The following WDPCP variants were observed in gnomAD, a reference collection of about 807,000 sequenced individuals.
WDPCP encodes the protein WD repeat-containing and planar cell polarity effector protein fritz homolog.
A neutral mutation model predicts 93.1 loss-of-function variants in WDPCP; 71 were observed. The ratio of observed to expected loss-of-function variants is 0.76; its 90% CI spans 0.63 to 0.93. The LOEUF (loss-of-function observed/expected upper bound fraction) is 0.93, where lower values mean the gene tolerates loss of function less well. Ranked by LOEUF, WDPCP falls within the 40% of genes least tolerant of loss-of-function variation. The pLI, the probability that WDPCP is intolerant of heterozygous loss-of-function variation, is 0.00. For synonymous variants in WDPCP, 315 were observed against 315.0 expected (o/e 1.00, Z 0.00); for missense variants, 844 against 887.4 (o/e 0.95, Z 0.62).
chr2:63,774,478 C>T (rs1427846353), intron 2 of WDPCP, among the ~76,000 whole-genome samples: 1 of 152,176 alleles, frequency 6.6e-6, no homozygotes, highest in Non-Finnish European at 1.5e-5. Context: ...TGACCCACCA[C>T]CTATGTGTGT....
At chr2:63,286,555 C>A (rs961411150) in intron 13 of WDPCP, among the ~76,000 whole-genome samples, 1 of 152,202 alleles carries the variant, frequency 6.6e-6, no homozygotes, top group Non-Finnish European at 1.5e-5. Context: ...AATCCCACCA[C>A]CCTTTGCTGA....
At chr2:63,457,784 A>C (rs1049105361) in intron 6 of WDPCP, among the ~76,000 whole-genome samples, 28 of 152,316 alleles carry the variant, frequency 1.8e-4, no homozygotes, top group African/African-American at 6.7e-4. Context: ...TCAACAAACT[A>C]GGCATAGAAA....
chr2:63,144,405 G>T (rs1671325721), intron 17 of WDPCP, among the ~76,000 whole-genome samples: 1 of 151,906 alleles, frequency 6.6e-6, no homozygotes, highest in East Asian at 1.9e-4. Flanking sequence ...GCTAATTTTT[G>T]TATTTTTGTC....
intron 13 of WDPCP, among the ~76,000 whole-genome samples, chr2:63,295,537 A>G (rs1224673270): frequency 1.7e-5 from 1 of 59,076 alleles, no homozygotes; most frequent in Non-Finnish European, 2.7e-5. Context: ...AGGTTACAAG[A>G]GATAAAAAAA....
At chr2:63,304,510 AGCTGTGAGGGACTGT>A (rs1685569359) in intron 13 of WDPCP, among the ~76,000 whole-genome samples, 1 of 152,158 alleles carries the variant, frequency 6.6e-6, no homozygotes, top group South Asian at 2.1e-4. Context: ...AGCCAAGGGA[AGCTGTGAGGGACTGT>A]GCTGTGAGGG....
chr2:63,733,727 T>A (rs527562831), intron 2 of WDPCP, among the ~76,000 whole-genome samples: 24 of 152,306 alleles, frequency 1.6e-4, no homozygotes, highest in African/African-American at 5.8e-4. Flanking sequence ...TTGTGCAGAA[T>A]CTTCAATTTG....
intron 3 of WDPCP, among the ~76,000 whole-genome samples, chr2:63,618,546 C>G (rs1709697326): frequency 6.6e-6 from 1 of 152,162 alleles, no homozygotes; most frequent in African/African-American, 2.4e-5. Context: ...ACTGATACCA[C>G]CACGCTGGAA....
intron 2 of WDPCP, among the ~76,000 whole-genome samples, chr2:63,664,353 C>T (rs1710261310): frequency 6.6e-6 from 1 of 152,204 alleles, no homozygotes; most frequent in Non-Finnish European, 1.5e-5. Flanking sequence ...TCTCAAATCA[C>T]ATTGCAGGAC....
chr2:63,611,246 C>G (rs1351743567), intron 3 of WDPCP, among the ~76,000 whole-genome samples: 1 of 152,198 alleles, frequency 6.6e-6, no homozygotes, highest in Non-Finnish European at 1.5e-5. Context: ...TCTTTTACTA[C>G]TATAAAGATG....
At chr2:63,556,572 T>C (rs1380454867) in intron 1 of WDPCP, among the ~76,000 whole-genome samples, 1 of 152,204 alleles carries the variant, frequency 6.6e-6, no homozygotes, top group Non-Finnish European at 1.5e-5. Flanking sequence ...TGTCAATTCA[T>C]TCATCTCAGC....
chr2:63,385,055 GA>G lies in WDPCP; in HGVS notation c.1436-2962del, dbSNP rs569514633. Among the ~76,000 whole-genome samples, 480 of 151,736 alleles carry G rather than the reference GA, an allele frequency of 3.2e-3. 3 individuals are homozygous for G. Among genetic ancestry groups the G allele is most frequent in the African/African-American group, 0.011 (442 of 41,410 alleles). On this transcript the variant is annotated intron_variant, in intron 10 of 17. Coordinates refer to ENST00000272321, the MANE Select transcript of WDPCP (RefSeq NM_015910.7). ...ATCAATATAATTTACCTTATGATGA[GA>G]AAAAAGAGAAAAAACCTATAATCAT...
chr2:63,364,253 C>A (rs970350666), intron 12 of WDPCP, among the ~76,000 whole-genome samples: 2 of 152,132 alleles, frequency 1.3e-5, no homozygotes, highest in Non-Finnish European at 2.9e-5. Flanking sequence ...TGAAGACTTA[C>A]ATGATTGAGA....
intron 2 of WDPCP, among the ~76,000 whole-genome samples, chr2:63,784,334 G>T (rs1406485544): frequency 1.3e-5 from 2 of 152,070 alleles, no homozygotes; most frequent in Non-Finnish European, 2.9e-5. Flanking sequence ...TTTGGCCCAA[G>T]ACTAAAATAA....
intron 17 of WDPCP, among the ~76,000 whole-genome samples, chr2:63,129,062 C>T (rs899449689): frequency 6.6e-6 from 1 of 152,198 alleles, no homozygotes; most frequent in Non-Finnish European, 1.5e-5. Flanking sequence ...TTTCACTTAG[C>T]GTAATGTCTG....
chr2:63,648,887 T>G (rs891284652), intron 3 of WDPCP, among the ~76,000 whole-genome samples: 1 of 152,142 alleles, frequency 6.6e-6, no homozygotes, highest in African/African-American at 2.4e-5. Flanking sequence ...GATTGCAAAA[T>G]TACCTCGTTT....
chr2:63,416,815 C>A (rs542435907), intron 9 of WDPCP, among the ~76,000 whole-genome samples: 1 of 152,190 alleles, frequency 6.6e-6, no homozygotes, highest in African/African-American at 2.4e-5. Flanking sequence ...GGCCACCACA[C>A]CTGGCCCAAA....
rs1558833249 is a variant in WDPCP, at chr2:63,575,488, T to TATAC, written c.75+12708_75+12709insGTAT. On this transcript the variant is annotated intron_variant, in intron 1 of 17. Coordinates refer to ENST00000272321, the MANE Select transcript of WDPCP (RefSeq NM_015910.7). Reference sequence around the variant, plus strand: ...ATATGCAGTATATACAGTGTATATATAGTATATACAGTATATACACTGTAT... The same window carrying TATAC: ...ATATGCAGTATATACAGTGTATATATATACAGTATATACAGTATATACACTGTAT... 6.1e-4 allele frequency among the ~76,000 whole-genome samples: 8 copies of TATAC among 13,128 alleles called. 1 individual carries two copies. Among genetic ancestry groups the TATAC allele is most frequent in the African/African-American group, 1.4e-3 (3 of 2,164 alleles). The allele number at this position is 13,128 out of a possible 152,430, so 8.6% of individuals were successfully genotyped here.
chr2:63,678,542 A>G (rs976773947), intron 2 of WDPCP, among the ~76,000 whole-genome samples: 2 of 152,236 alleles, frequency 1.3e-5, no homozygotes, highest in African/African-American at 4.8e-5. Flanking sequence ...AAGGTCAACT[A>G]GCTCACTAAA....
upstream of WDPCP, chr2:63,593,764 A>G (rs1709248066): frequency 4.4e-6 from 2 of 451,690 alleles, no homozygotes; most frequent in African/African-American, 2.0e-5. Context: ...GTTCTTTTTA[A>G]TAGATATATT....
Sources: gnomAD v4.1 joint callset for allele counts (sites outside exome capture counted in the v4.1 genomes callset) on GRCh38, gnomAD v4.1.1 for gene constraint, MANE v1.5 for transcripts, NCBI Gene and HGNC (gene_info 2026-07-23, HGNC 2026-07-21) for gene names.